KDM2B: variants seen among roughly 807,000 people sequenced by gnomAD.
The protein encoded by KDM2B is lysine-specific demethylase 2B.
A neutral mutation model predicts 150.0 loss-of-function variants in KDM2B; 26 were observed. The ratio of observed to expected loss-of-function variants is 0.17; its 90% confidence interval spans 0.13 to 0.24. The LOEUF is 0.24. KDM2B is among the 10% of genes least tolerant of loss of function. The probability of loss-of-function intolerance (pLI) is 1.00; values close to 1 mark genes in which losing one functional copy is unlikely to be tolerated. For synonymous variants in KDM2B, 734 were observed against 729.5 expected (o/e 1.01, Z -0.10); for missense variants, 1,265 against 1,816.9 (o/e 0.70, Z 5.52).
chr12:121,489,237 G>A (rs1027561446), intron 12 of KDM2B, among the ~76,000 whole-genome samples: 14 of 151,794 alleles, frequency 9.2e-5, no homozygotes, highest in African/African-American at 2.4e-4. Context: ...GAGCCACTGC[G>A]CCCGGCCGGG....
chr12:121,534,747 G>A, intron 6 of KDM2B, 157 bp from the exon 7 acceptor site: 1 of 596,488 alleles, frequency 1.7e-6, no homozygotes. Flanking sequence ...TGTAATCGGA[G>A]TTCCCCACGG....
intron 1 of KDM2B, chr12:121,580,337 G>C (rs1362509555): frequency 8.6e-7 from 1 of 1,165,312 alleles, no homozygotes. Context: ...CGGGCTATTT[G>C]GGGGGGCTCT....
At chr12:121,428,285 T>C (rs1872612482), downstream of KDM2B, among the ~76,000 whole-genome samples, 1 of 152,062 alleles carries the variant, frequency 6.6e-6, no homozygotes, top group Admixed American at 6.6e-5. Context: ...CTCCGTGTCC[T>C]GGGTTCAAGC....
At chr12:121,422,874 G>C in the KDM2B span, among the ~76,000 whole-genome samples, 1 of 152,078 alleles carries the variant, frequency 6.6e-6, no homozygotes, top group Non-Finnish European at 1.5e-5. Flanking sequence ...TGATTCTAAG[G>C]CTAGGGAGGG....
At chr12:121,543,597 G>A (rs782817121) in intron 6 of KDM2B, among the ~76,000 whole-genome samples, 2 of 151,096 alleles carry the variant, frequency 1.3e-5, no homozygotes, top group Non-Finnish European at 3.0e-5. Flanking sequence ...AGGTCGAGGT[G>A]GGCAGATCAC....
chr12:121,483,901 A>G (rs1555298337), intron 12 of KDM2B, among the ~76,000 whole-genome samples: 2 of 152,108 alleles, frequency 1.3e-5, no homozygotes, highest in African/African-American at 4.8e-5. Context: ...AACAGGGCTA[A>G]GGGAAAACAG....
intron 13 of KDM2B, among the ~76,000 whole-genome samples, chr12:121,450,776 G>A (rs930903901): frequency 3.3e-4 from 50 of 151,746 alleles, no homozygotes; most frequent in African/African-American, 1.2e-3. Flanking sequence ...AGGAAAAATG[G>A]CATGAACCCA....
downstream of KDM2B, among the ~76,000 whole-genome samples, chr12:121,428,160 G>GA (rs1872605130): frequency 6.6e-6 from 1 of 152,044 alleles, no homozygotes; most frequent in Admixed American, 6.5e-5. Context: ...AGGGTCTGTG[G>GA]ATTTAAATTA....
intron 12 of KDM2B, among the ~76,000 whole-genome samples, chr12:121,488,761 A>T (rs1883039672): frequency 6.6e-6 from 1 of 151,532 alleles, no homozygotes; most frequent in South Asian, 2.1e-4. Context: ...AGCTGGGATT[A>T]CAGGTGCCCA....
In KDM2B at chr12:121,516,575, C is replaced by T. The variant is rs191204099; in HGVS notation, c.1048-3173G>A. 7,846 of 1,414,102 alleles carry T rather than the reference C, an allele frequency of 5.5e-3. 27 individuals carry two copies. The highest frequency in any genetic ancestry group is 8.4e-3 in the South Asian group (622 of 73,636). 87.6% of individuals were successfully genotyped at this position (1,414,102 alleles called of 1,614,324 possible). On this transcript the variant is annotated intron_variant, in intron 9 of 22. Coordinates refer to ENST00000377071, the MANE Select transcript of KDM2B (RefSeq NM_032590.5). Reference sequence around the variant, plus strand: ...CATTATTTGTTGACAGACTCGGAGCCTCACCAAATTGAGTTAACCAACGTC... The same window carrying T: ...CATTATTTGTTGACAGACTCGGAGCTTCACCAAATTGAGTTAACCAACGTC...
chr12:121,458,517 G>C (rs1221973368), intron 12 of KDM2B, among the ~76,000 whole-genome samples: 1 of 151,314 alleles, frequency 6.6e-6, no homozygotes, highest in African/African-American at 2.4e-5. Flanking sequence ...ATAGGGGGAT[G>C]GGGGGTGGGG....
the KDM2B span, among the ~76,000 whole-genome samples, chr12:121,410,396 G>A: frequency 1.3e-5 from 2 of 152,048 alleles, no homozygotes; most frequent in African/African-American, 4.8e-5. Context: ...AATTAGCCGG[G>A]TGTGGTGGTG....
chr12:121,534,085 C>T (rs1419000084), intron 7 of KDM2B, among the ~76,000 whole-genome samples: 5 of 152,104 alleles, frequency 3.3e-5, no homozygotes, highest in Non-Finnish European at 5.9e-5. Context: ...CACAGTGGCT[C>T]ACGCCTCTAA....
At chr12:121,539,326 CAAAAAAAAAAAAA>C (rs60048517) in intron 6 of KDM2B, among the ~76,000 whole-genome samples, 4 of 58,592 alleles carry the variant, frequency 6.8e-5, no homozygotes, top group East Asian at 5.3e-4. Flanking sequence ...GACCCTCTCC[CAAAAAAAAAAAAA>C]AAAAAAAAAA....
chr12:121,581,960 T>G (rs1319787926), upstream of KDM2B, among the ~76,000 whole-genome samples: 9 of 152,204 alleles, frequency 5.9e-5, no homozygotes, highest in African/African-American at 2.2e-4. Flanking sequence ...AAGTTTGTTT[T>G]CATTCATGTT....
At chr12:121,480,114 G>A (rs532360580) in intron 12 of KDM2B, among the ~76,000 whole-genome samples, 4 of 152,028 alleles carry the variant, frequency 2.6e-5, no homozygotes, top group Admixed American at 6.6e-5. Flanking sequence ...AGGAAAAAAT[G>A]ATCAACAAGT....
At chr12:121,538,199 C>T (rs1183664792) in intron 6 of KDM2B, among the ~76,000 whole-genome samples, 2 of 152,036 alleles carry the variant, frequency 1.3e-5, no homozygotes, top group Admixed American at 6.5e-5. Context: ...CGGGAAGCAA[C>T]GCGGGCCGGC....
At chr12:121,561,462 G>A (rs1555313814) in intron 4 of KDM2B, among the ~76,000 whole-genome samples, 2 of 152,170 alleles carry the variant, frequency 1.3e-5, no homozygotes, top group African/African-American at 4.8e-5. Context: ...AGTGAGGCCT[G>A]AGTTCGAGTG....
the KDM2B span, chr12:121,418,699 C>T: frequency 1.3e-5 from 2 of 152,088 alleles, no homozygotes; most frequent in Non-Finnish European, 1.5e-5. Flanking sequence ...CCACTGTACC[C>T]CCAGCCTGGG....
Sources: allele counts gnomAD v4.1 joint callset (sites outside exome capture counted in the v4.1 genomes callset), GRCh38; gene constraint gnomAD v4.1.1; transcripts MANE v1.5; gene names NCBI Gene and HGNC (gene_info 2026-07-23, HGNC 2026-07-21).